The following GAA variants were observed in gnomAD, a reference collection of about 807,000 sequenced individuals.
The protein encoded by GAA is alpha glucosidase, also known as lysosomal alpha-glucosidase.
Under a neutral mutation model 103.9 loss-of-function variants are expected in GAA, and 88 were observed. That is an observed-to-expected ratio of 0.85 (90% CI 0.71 to 1.01). GAA has a LOEUF of 1.01. GAA is among the 50% of genes least tolerant of loss of function. The pLI, the probability that GAA is intolerant of heterozygous loss-of-function variation, is 0.00. For synonymous variants in GAA, 572 were observed against 563.1 expected (o/e 1.02, Z -0.22); for missense variants, 1,350 against 1,305.3 (o/e 1.03, Z -0.53).
At position 80,112,721 on chromosome 17, in the gene GAA, T is replaced by TC. The variant is rs748036956; in HGVS notation, c.1888+10_1888+11insC. On this transcript the variant is annotated intron_variant, in intron 13 of 19. Coordinates refer to ENST00000302262, the MANE Select transcript of GAA (RefSeq NM_000152.5). ...GCCTCCTCCGTGCCAGGTGAGCTCC[T>TC]ACCAGGAGGGGCTGCTCAGCAGAGT... The TC allele has an allele frequency of 3.6e-5, 57 of 1,603,424 alleles. No homozygotes were observed. The African/African-American group carries it at 7.2e-4, about 20-fold the overall frequency.
rs749529161 is a variant in GAA at position 80,112,645 on chromosome 17, C to T, written c.1822C>T (p.Arg608Ter). Residue 608 changes from arginine to a stop codon, truncating the protein, a stop_gained, in exon 13 of 20, where the codon CGA becomes TGA. Coordinates refer to ENST00000302262, the MANE Select transcript of GAA (RefSeq NM_000152.5). LOFTEE classifies it high-confidence loss of function. Reference sequence around the variant, plus strand: ...CCGCTCGACCTTTGCTGGCCACGGCCGATACGCCGGCCACTGGACGGGGGA... The same window carrying T: ...CCGCTCGACCTTTGCTGGCCACGGCTGATACGCCGGCCACTGGACGGGGGA... ...ISRSTFAGHGRYAGHWTGDVW... is the reference protein window; with the variant it reads ...ISRSTFAGHG 6.8e-6 allele frequency: 11 copies of T among 1,612,652 alleles called. No individual in the cohort carries two copies. The highest frequency in any genetic ancestry group is 2.2e-5 in the East Asian group (1 of 44,876).
chr17:80,103,088 C>T (rs894703645), intron 1 of GAA, among the ~76,000 whole-genome samples: 17 of 152,238 alleles, frequency 1.1e-4, no homozygotes, highest in African/African-American at 3.9e-4. Flanking sequence ...CGGCCGGGGG[C>T]AGAGCGTTCC....
intron 1 of GAA, among the ~76,000 whole-genome samples, chr17:80,103,770 G>A (rs1340436691): frequency 6.6e-6 from 1 of 152,178 alleles, no homozygotes; most frequent in Non-Finnish European, 1.5e-5. Flanking sequence ...GTCGCCAGAG[G>A]TTAAGTCCTT....
At chr17:80,112,208 C>A in intron 12 of GAA, 108 bp downstream of exon 12, 1 of 1,134,934 alleles carries the variant, frequency 8.8e-7, no homozygotes, top group Non-Finnish European at 1.3e-6. Flanking sequence ...CCCAGACCAC[C>A]CGGGGCCCGC....
At chr17:80,106,285 C>T (rs777814092) in intron 3 of GAA, among the ~76,000 whole-genome samples, 1 of 152,210 alleles carries the variant, frequency 6.6e-6, no homozygotes, top group Non-Finnish European at 1.5e-5. Flanking sequence ...GATCCTGCTC[C>T]CGGGGACAGA....
At chr17:80,106,457 A>G (rs566024895) in intron 3 of GAA, among the ~76,000 whole-genome samples, 1 of 136,330 alleles carries the variant, frequency 7.3e-6, no homozygotes, top group African/African-American at 2.7e-5. Context: ...CCTCTCTGGA[A>G]GCCAGCTGTG....
intron 15 of GAA, 50 bp downstream of exon 15, chr17:80,113,416 G>T (rs2039294508): frequency 1.4e-6 from 2 of 1,469,300 alleles, no homozygotes; most frequent in Non-Finnish European, 9.1e-7. Context: ...TGGGGGAGGG[G>T]CACGTAACTC....
chr17:80,108,079 G>A (rs1157588257), intron 5 of GAA, among the ~76,000 whole-genome samples, 183 bp downstream of exon 5: 1 of 152,188 alleles, frequency 6.6e-6, no homozygotes, highest in African/African-American at 2.4e-5. Flanking sequence ...AGGGTTCTGG[G>A]GCCCTGCCTG....
chr17:80,113,011 A>C lies in GAA; in HGVS notation c.2024A>C (p.Asn675Thr), dbSNP rs554975651. The C allele has an allele frequency of 1.9e-6, 3 of 1,610,148 alleles. No individual in the cohort carries two copies. In the South Asian group the frequency reaches 3.3e-5, roughly 18 times the overall value. ...TTCTACCCCTTCATGCGGAACCACA[A>C]CAGCCTGCTCAGTCTGGTAGGGTGG... ...GAFYPFMRNH[N>T]SLLSLPQEPY... The change falls in exon 14 of 20, where the codon AAC (asparagine) becomes ACC (threonine). Residue 675 changes from asparagine (N) to threonine (T), a missense_variant. Asn to Thr is a moderately conservative substitution (Grantham distance 65). Transcript: ENST00000302262.
At position 80,103,422 on chromosome 17, in the gene GAA, C is replaced by A. The variant is rs568044469; in HGVS notation, c.-32-1133C>A. Reference sequence around the variant, plus strand: ...TGCCTAGGTGCGGTGGCTCTCCCAGCCTTCCCCACGCCCTCCCCATGGTGT... The same window carrying A: ...TGCCTAGGTGCGGTGGCTCTCCCAGACTTCCCCACGCCCTCCCCATGGTGT... On this transcript the variant is annotated intron_variant, in intron 1 of 19. Coordinates refer to ENST00000302262, the MANE Select transcript of GAA (RefSeq NM_000152.5). Among the ~76,000 whole-genome samples the A allele has an allele frequency of 4.2e-4, 64 of 152,250 alleles. No homozygotes were observed. In the South Asian group the frequency reaches 4.8e-3, roughly 11 times the overall value.
At position 80,119,027 on chromosome 17, in the gene GAA, C is replaced by G. The variant is rs868174114; in HGVS notation, c.2799+222C>G. Among the ~76,000 whole-genome samples the G allele has an allele frequency of 2.6e-5, 4 of 152,230 alleles. No homozygotes were observed. In the South Asian group the frequency reaches 6.2e-4, roughly 24 times the overall value. ...GGGGCCACAATGACGACCTCTGAGC[C>G]GTGTTGAAGCAGCACCGCGTTTCTG... On this transcript the variant is annotated intron_variant, in intron 19 of 19. Coordinates refer to ENST00000302262, the MANE Select transcript of GAA (RefSeq NM_000152.5).
intron 15 of GAA, among the ~76,000 whole-genome samples, chr17:80,115,669 G>C (rs115779248): frequency 1.0e-3 from 154 of 152,306 alleles, no homozygotes; most frequent in African/African-American, 3.6e-3. Context: ...GTTTCAGACT[G>C]GACATTTTAA....
intron 3 of GAA, among the ~76,000 whole-genome samples, chr17:80,106,278 C>G (rs185139479): frequency 7.5e-6 from 1 of 134,008 alleles, no homozygotes; most frequent in Admixed American, 7.5e-5. Flanking sequence ...TGGTTTGGAT[C>G]CTGCTCCCGG....
At chr17:80,108,463 C>G in intron 6 of GAA, 26 bp from the exon 7 acceptor site, 1 of 1,613,214 alleles carries the variant, frequency 6.2e-7, no homozygotes. Flanking sequence ...TCCTCCCTCC[C>G]TCATGAAGTC....
At position 80,107,865 on chromosome 17, in the gene GAA, C is replaced by A. The variant is rs370105640; in HGVS notation, c.924C>A (p.His308Gln). The A allele has an allele frequency of 1.1e-5, 18 of 1,611,444 alleles. No homozygotes were observed. The highest frequency in any genetic ancestry group is 1.4e-5 in the Non-Finnish European group (17 of 1,179,696). ...YLALEDGGSA[H>Q]GVFLLNSNAM... ...CGCTGGAGGACGGCGGGTCGGCACA[C>A]GGGGTGTTCCTGCTAAACAGCAATG... The change falls in exon 5 of 20, where the codon CAC becomes CAA. Residue 308 changes from histidine (H) to glutamine (Q), a missense_variant. Coordinates refer to ENST00000302262, the MANE Select transcript of GAA (RefSeq NM_000152.5).
rs910200100 is a variant in GAA at position 80,119,572 on chromosome 17, C to T, written c.*241C>T. The stretch of plus-strand genomic sequence containing the variant: ...TGTGGGCCGGGGCCCTGGAGGGCTG[C>T]TCTGTGTTAATAAGATTGTAAGGTT... On this transcript the variant is annotated 3_prime_UTR_variant, in exon 20 of 20. Coordinates refer to ENST00000302262, the MANE Select transcript of GAA (RefSeq NM_000152.5). 1.3e-5 allele frequency: 7 copies of T among 534,994 alleles called. No homozygotes were observed. The highest frequency in any genetic ancestry group is 7.7e-5 in the African/African-American group (4 of 52,234). 33.1% of individuals were successfully genotyped at this position (534,994 alleles called of 1,614,324 possible). A position where few individuals can be genotyped will look rare whatever the true frequency, so the allele number is the denominator to read the frequency against.
chr17:80,117,892 A>G (rs2143927307), intron 17 of GAA, 143 bp downstream of exon 17: 1 of 886,938 alleles, frequency 1.1e-6, no homozygotes, highest in East Asian at 2.7e-5. Context: ...GGAGCCAGCC[A>G]GGCCAGTGAG....
intron 5 of GAA, 150 bp downstream of exon 5, chr17:80,108,046 T>A: frequency 9.8e-7 from 1 of 1,020,464 alleles, no homozygotes; most frequent in Non-Finnish European, 1.5e-6. Context: ...CTCTCCCAAC[T>A]CTGGCCTTCT....
chr17:80,119,148 C>A, intron 19 of GAA, 124 bp from the exon 20 acceptor site: 1 of 993,792 alleles, frequency 1.0e-6, no homozygotes, highest in Non-Finnish European at 1.6e-6. Flanking sequence ...GACGGAGCTG[C>A]CCCCTGAGCG....
Sources: gnomAD v4.1 joint callset for allele counts (sites outside exome capture counted in the v4.1 genomes callset) on GRCh38, gnomAD v4.1.1 for gene constraint, MANE v1.5 for transcripts, NCBI Gene and HGNC (gene_info 2026-07-23, HGNC 2026-07-21) for gene names.